Variants in SAXO5 observed in about 807,000 individuals in gnomAD.
The protein encoded by SAXO5 is stabilizer of axonemal microtubules 5, also known as testis expressed 45.
chr19:7,500,940 C>A, the SAXO5 span: 3 of 1,576,750 alleles, frequency 1.9e-6, no homozygotes, highest in African/African-American at 1.4e-5. Context: ...GGGCACCATG[C>A]GCACCACGTC....
the SAXO5 span, among the ~76,000 whole-genome samples, chr19:7,502,108 T>G: frequency 2.6e-5 from 4 of 151,958 alleles, no homozygotes; most frequent in Non-Finnish European, 5.9e-5. Context: ...TTATTATATA[T>G]ATATGTGTAT....
At chr19:7,501,593 G>C in the SAXO5 span, among the ~76,000 whole-genome samples, 2 of 150,428 alleles carry the variant, frequency 1.3e-5, no homozygotes, top group Non-Finnish European at 3.0e-5. Flanking sequence ...AGTTGGAGGC[G>C]GGGGGATCGC....
At chr19:7,505,971 C>A in the SAXO5 span, 1 of 1,584,698 alleles carries the variant, frequency 6.3e-7, no homozygotes, top group African/African-American at 1.4e-5. Flanking sequence ...CAGCCGCCAC[C>A]CCCGACCCAG....
chr19:7,508,409 C>T, the SAXO5 span: 1 of 1,611,266 alleles, frequency 6.2e-7, no homozygotes, highest in Admixed American at 1.7e-5. Flanking sequence ...CCCCTATGTA[C>T]CTGTGCCCCA....
chr19:7,506,110 G>A, the SAXO5 span: 3 of 1,613,048 alleles, frequency 1.9e-6, no homozygotes, highest in Non-Finnish European at 2.5e-6. Context: ...GGAGACAGGT[G>A]CAGAAAGCGC....
chr19:7,505,608 G>A, the SAXO5 span: 1 of 1,614,152 alleles, frequency 6.2e-7, no homozygotes, highest in Non-Finnish European at 8.5e-7. Context: ...ACACCTTCAT[G>A]CAGTACTTCT....
the SAXO5 span, among the ~76,000 whole-genome samples, chr19:7,498,154 AACACAC>A: frequency 7.5e-6 from 1 of 133,562 alleles, no homozygotes; most frequent in Non-Finnish European, 1.6e-5. Flanking sequence ...GTTTCATTAA[AACACAC>A]ACACACACAT....
At chr19:7,501,379 G>C in the SAXO5 span, 1 of 1,505,744 alleles carries the variant, frequency 6.6e-7, no homozygotes, top group Non-Finnish European at 8.8e-7. Context: ...CCGCAGCCTC[G>C]CGCGCCCAGT....
chr19:7,500,286 T>C, the SAXO5 span, among the ~76,000 whole-genome samples: 2 of 151,732 alleles, frequency 1.3e-5, no homozygotes, highest in African/African-American at 4.8e-5. Flanking sequence ...AGGCCTACAG[T>C]AGGCACCACA....
chr19:7,505,641 C>T, the SAXO5 span: 1 of 1,611,188 alleles, frequency 6.2e-7, no homozygotes, highest in Non-Finnish European at 8.5e-7. Context: ...GCAGGAAGAG[C>T]GAAAAGGCGG....
the SAXO5 span, chr19:7,505,367 AT>A: frequency 6.2e-7 from 1 of 1,614,082 alleles, no homozygotes; most frequent in Admixed American, 1.7e-5. Context: ...CTGTGTAAAT[AT>A]CCGTCCTGGT....
the SAXO5 span, chr19:7,506,241 GGAGCCCCTCCCCA>G: frequency 1.3e-5 from 7 of 530,970 alleles, no homozygotes; most frequent in East Asian, 5.1e-5. Flanking sequence ...CCGCCCCCAT[GGAGCCCCTCCCCA>G]TGGAGCCCCG....
the SAXO5 span, chr19:7,505,984 A>G: frequency 6.3e-7 from 1 of 1,587,360 alleles, no homozygotes; most frequent in South Asian, 1.1e-5. Flanking sequence ...CGACCCAGCC[A>G]CCCAGCCGCC....
chr19:7,506,985 G>C, the SAXO5 span: 2 of 1,308,856 alleles, frequency 1.5e-6, no homozygotes, highest in Non-Finnish European at 2.2e-6. Context: ...CCCTTCCCTT[G>C]AACTTCACCA....
the SAXO5 span, chr19:7,500,724 G>C: frequency 8.6e-7 from 1 of 1,156,236 alleles, no homozygotes; most frequent in Non-Finnish European, 1.2e-6. Flanking sequence ...GTCAAAGGCA[G>C]CAGAAAGGAG....
chr19:7,501,443 T>C, the SAXO5 span: 3 of 1,435,664 alleles, frequency 2.1e-6, no homozygotes, highest in Non-Finnish European at 2.7e-6. Context: ...CTTCACATTG[T>C]GGTTCTCAAA....
At chr19:7,505,584 C>G in the SAXO5 span, 5 of 1,614,064 alleles carry the variant, frequency 3.1e-6, no homozygotes, top group Non-Finnish European at 4.2e-6. Flanking sequence ...GGTGCCCCGG[C>G]CCCGGCAGTC....
the SAXO5 span, chr19:7,508,076 G>A: frequency 2.9e-5 from 20 of 690,898 alleles, no homozygotes; most frequent in Non-Finnish European, 4.2e-5. Context: ...CACTGGCTCC[G>A]CCCCGACCAG....
At chr19:7,498,022 A>G in the SAXO5 span, among the ~76,000 whole-genome samples, 3 of 151,872 alleles carry the variant, frequency 2.0e-5, no homozygotes, top group Middle Eastern at 3.4e-3. Context: ...GTGGTGGCGG[A>G]CACCTACAGT....
Sources: gnomAD v4.1 joint callset for allele counts (sites outside exome capture counted in the v4.1 genomes callset) on GRCh38, gnomAD v4.1.1 for gene constraint, MANE v1.5 for transcripts, NCBI Gene and HGNC (gene_info 2026-07-23, HGNC 2026-07-21) for gene names.